ARHGAP42: variants seen among roughly 807,000 people sequenced by gnomAD.
The protein encoded by ARHGAP42 is rho GTPase-activating protein 42.
Under a neutral mutation model 125.0 loss-of-function variants are expected in ARHGAP42, and 63 were observed. The ratio of observed to expected loss-of-function variants is 0.50; its 90% confidence interval spans 0.41 to 0.62. The LOEUF is 0.62. Ranked by LOEUF, ARHGAP42 falls within the 20% of genes least tolerant of loss-of-function variation. The pLI, the probability that ARHGAP42 is intolerant of heterozygous loss-of-function variation, is 0.00. For missense variants in ARHGAP42, 766 were observed against 1,024.2 expected (o/e 0.75, Z 3.44); for synonymous variants, 339 against 351.0 (o/e 0.97, Z 0.38).
chr11:100,699,522 T>A (rs1228667264), intron 1 of ARHGAP42, among the ~76,000 whole-genome samples: 90 of 96,276 alleles, frequency 9.3e-4, no homozygotes, highest in Non-Finnish European at 1.4e-3. Flanking sequence ...TTTTTTTTTT[T>A]TTTTTTTTTT....
chr11:100,721,377 A>AT (rs550830024), intron 1 of ARHGAP42, among the ~76,000 whole-genome samples: 54 of 152,282 alleles, frequency 3.5e-4, no homozygotes, highest in African/African-American at 1.2e-3. Context: ...CATGCAATGT[A>AT]TAGCCCTTTC....
At chr11:100,972,397 G>A (rs1256025132) in intron 17 of ARHGAP42, among the ~76,000 whole-genome samples, 1 of 152,104 alleles carries the variant, frequency 6.6e-6, no homozygotes, top group Non-Finnish European at 1.5e-5. Flanking sequence ...CTTCACTCAG[G>A]TCAGTGATAT....
intron 1 of ARHGAP42, among the ~76,000 whole-genome samples, chr11:100,731,754 A>G (rs1591134413): frequency 1.3e-5 from 2 of 152,042 alleles, no homozygotes; most frequent in Non-Finnish European, 2.9e-5. Flanking sequence ...TGCCCACCCC[A>G]ATTAGCAGCT....
At position 100,992,733 on chromosome 11, in the gene ARHGAP42, A is replaced by G; in HGVS notation, c.*3932A>G. On this transcript the variant is annotated 3_prime_UTR_variant, in exon 24 of 24. Transcript: ENST00000298815. ...TTAGAGGATCAAATCAATAAATTGG[A>G]TTTTTTATTTTTTGAGGGCAGCTGC... is the stretch of plus-strand genomic sequence containing the variant. The G allele has an allele frequency of 6.6e-7, 1 of 1,525,980 alleles. No individual in the cohort carries two copies. The highest frequency in any genetic ancestry group is 8.8e-7 in the Non-Finnish European group (1 of 1,140,062). The allele number at this position is 1,525,980 out of a possible 1,614,324, so 94.5% of individuals were successfully genotyped here.
chr11:100,820,656 A>G (rs1227014499), intron 3 of ARHGAP42, among the ~76,000 whole-genome samples: 2 of 152,154 alleles, frequency 1.3e-5, no homozygotes, highest in Non-Finnish European at 2.9e-5. Flanking sequence ...ATGCTCTATA[A>G]TAGTATACTG....
intron 12 of ARHGAP42, among the ~76,000 whole-genome samples, chr11:100,953,350 G>A (rs2135288251): frequency 6.6e-6 from 1 of 152,270 alleles, no homozygotes; most frequent in Middle Eastern, 3.4e-3. Context: ...TGCATAATAT[G>A]TATTTGTGTT....
At chr11:100,687,865 C>T in intron 1 of ARHGAP42, 33 bp downstream of exon 1, 1 of 1,511,832 alleles carries the variant, frequency 6.6e-7, no homozygotes, top group South Asian at 1.3e-5. Context: ...TGGACACCCG[C>T]ATCTGGAGAG....
chr11:100,850,938 G>T (rs1206671170), intron 3 of ARHGAP42, among the ~76,000 whole-genome samples: 15 of 145,310 alleles, frequency 1.0e-4, no homozygotes, highest in African/African-American at 3.9e-4. Flanking sequence ...CTTGAGTGCA[G>T]TGGCAGGATC....
rs138500786 is a variant in ARHGAP42 at position 100,972,199 on chromosome 11, C to T, written c.1551-976C>T. Among the ~76,000 whole-genome samples the T allele has an allele frequency of 9.6e-3, 1,464 of 152,146 alleles. 52 individuals are homozygous for T. Among genetic ancestry groups the T allele is most frequent in the Admixed American group, 0.06 (918 of 15,268 alleles). On this transcript the variant is annotated intron_variant, in intron 17 of 23. Coordinates refer to ENST00000298815, the MANE Select transcript of ARHGAP42 (RefSeq NM_152432.4). ...TTTGGTTGTAGAATGCAGTTTGTGA[C>T]GCATGGTCAGTCCGACATAAACATA...
chr11:100,923,762 T>C (rs1207867314), intron 6 of ARHGAP42, among the ~76,000 whole-genome samples: 1 of 152,150 alleles, frequency 6.6e-6, no homozygotes, highest in Non-Finnish European at 1.5e-5. Context: ...ATATTTGTTC[T>C]TCTTCCAAAA....
intron 4 of ARHGAP42, among the ~76,000 whole-genome samples, chr11:100,865,911 A>G (rs945865381): frequency 2.0e-4 from 30 of 152,310 alleles, no homozygotes; most frequent in African/African-American, 7.0e-4. Flanking sequence ...GTTTCTGAAA[A>G]GAAGACTACA....
chr11:100,888,143 C>T (rs1273846638), intron 4 of ARHGAP42, among the ~76,000 whole-genome samples: 4 of 152,068 alleles, frequency 2.6e-5, no homozygotes, highest in Non-Finnish European at 5.9e-5. Context: ...AAGTATTTCA[C>T]ATAAGAAGGT....
intron 1 of ARHGAP42, among the ~76,000 whole-genome samples, chr11:100,760,873 T>C (rs1179914217): frequency 6.6e-6 from 1 of 152,018 alleles, no homozygotes; most frequent in Non-Finnish European, 1.5e-5. Context: ...CTTGGGTGGA[T>C]GGATATGTTA....
intron 1 of ARHGAP42, among the ~76,000 whole-genome samples, chr11:100,747,725 T>C (rs1228317209): frequency 2.0e-5 from 3 of 152,236 alleles, no homozygotes; most frequent in African/African-American, 7.2e-5. Context: ...TATTTTACTT[T>C]CCTTACACAC....
intron 6 of ARHGAP42, among the ~76,000 whole-genome samples, chr11:100,925,998 G>A (rs1336286545): frequency 1.3e-5 from 2 of 152,176 alleles, no homozygotes; most frequent in Non-Finnish European, 2.9e-5. Context: ...AGTTCTAGAA[G>A]TACTCTGAAC....
rs1213489321 is a variant in ARHGAP42 at position 100,982,615 on chromosome 11, C to CTGGGTCTCAGTT, written c.2456+3567_2456+3578dup. Reference sequence around the variant, plus strand: ...AAAATAGTATCCTTAAAACCTTCACCTGGGTCTCAGTTATACTCAGAGCAG... The same window carrying CTGGGTCTCAGTT: ...AAAATAGTATCCTTAAAACCTTCACCTGGGTCTCAGTTTGGGTCTCAGTTATACTCAGAGCAG... On this transcript the variant is annotated intron_variant, in intron 22 of 23. Coordinates refer to ENST00000298815, the MANE Select transcript of ARHGAP42 (RefSeq NM_152432.4). Among the ~76,000 whole-genome samples the CTGGGTCTCAGTT allele has an allele frequency of 2.0e-5, 3 of 152,230 alleles. No individual in the cohort carries two copies. In the East Asian group the frequency reaches 5.8e-4, roughly 29 times the overall value.
At chr11:100,854,681 A>T (rs1430066106) in intron 3 of ARHGAP42, among the ~76,000 whole-genome samples, 1 of 152,090 alleles carries the variant, frequency 6.6e-6, no homozygotes, top group Non-Finnish European at 1.5e-5. Flanking sequence ...CCTAGAGAAG[A>T]ATGTCTATAT....
At chr11:100,787,403 A>G (rs1656209932) in intron 2 of ARHGAP42, among the ~76,000 whole-genome samples, 1 of 152,158 alleles carries the variant, frequency 6.6e-6, no homozygotes, top group Admixed American at 6.5e-5. Flanking sequence ...CCAGCCATGT[A>G]GGAGTGTGAA....
chr11:100,956,711 T>C (rs1472775828), intron 12 of ARHGAP42, among the ~76,000 whole-genome samples: 1 of 152,102 alleles, frequency 6.6e-6, no homozygotes, highest in Non-Finnish European at 1.5e-5. Context: ...TTTATTGGAG[T>C]ATAATGAGCA....
Sources: gnomAD v4.1 joint callset for allele counts (sites outside exome capture counted in the v4.1 genomes callset) on GRCh38, gnomAD v4.1.1 for gene constraint, MANE v1.5 for transcripts, NCBI Gene and HGNC (gene_info 2026-07-23, HGNC 2026-07-21) for gene names.